Variants in DBT observed in about 807,000 individuals in gnomAD.
The protein encoded by DBT is dihydrolipoamide branched chain transacylase E2.
Under a neutral mutation model 51.3 loss-of-function variants are expected in DBT, and 40 were observed. The ratio of observed to expected loss-of-function variants is 0.78; its 90% CI spans 0.61 to 1.02. The LOEUF is 1.02. Ranked by LOEUF, DBT falls within the 50% of genes least tolerant of loss-of-function variation. DBT has a pLI of 0.00. For synonymous variants in DBT, 181 were observed against 190.4 expected (o/e 0.95, Z 0.41); for missense variants, 510 against 580.2 (o/e 0.88, Z 1.24).
chr1:100,218,546 T>A lies in DBT; in HGVS notation c.555+80A>T, dbSNP rs764891532. On this transcript the variant is annotated intron_variant, in intron 5 of 10. Transcript: ENST00000370132. The stretch of plus-strand genomic sequence containing the variant: ...TTAATTTCATTGAGCTATTTCATCA[T>A]GGGATAGTTGGCTAATTTTTCAGAG... 6 of 1,486,862 alleles carry A rather than the reference T, an allele frequency of 4.0e-6. No individual in the cohort carries two copies. The African/African-American group carries it at 6.9e-5, about 17-fold the overall frequency. The allele number at this position is 1,486,862 out of a possible 1,614,324, so 92.1% of individuals were successfully genotyped here. A position where few individuals can be genotyped will look rare whatever the true frequency, so the allele number is the denominator to read the frequency against.
In DBT at chr1:100,191,327, T is replaced by C. The variant is rs904365505; in HGVS notation, c.*4928A>G. 31 of 152,230 alleles carry C rather than the reference T, an allele frequency of 2.0e-4. No individual in the cohort carries two copies. The highest frequency in any genetic ancestry group is 7.5e-4 in the African/African-American group (31 of 41,460). The allele number at this position is 152,230 out of a possible 1,614,324, so 9.4% of individuals were successfully genotyped here. On this transcript the variant is annotated 3_prime_UTR_variant, in exon 11 of 11. Coordinates refer to ENST00000370132, the MANE Select transcript of DBT (RefSeq NM_001918.5). ...CTGGGAAGAAAATACAAATGTTTTT[T>C]GTTGGAGAAATTATAAAATCTTGGA...
intron 7 of DBT, 92 bp downstream of exon 7, chr1:100,214,725 G>A: frequency 7.5e-7 from 1 of 1,338,256 alleles, no homozygotes; most frequent in South Asian, 1.2e-5. Context: ...TTGCACTCCA[G>A]CCTGGGTGAC....
At position 100,188,149 on chromosome 1, in the gene DBT, C is replaced by G. The variant is rs1246127467; in HGVS notation, c.*8106G>C. ...CAGGTTCTTGTGCAATTTGTGAAACCTTTGGTTTGCAGAGTTGTTAGCGTA... is the reference window on the plus strand; with the variant it reads ...CAGGTTCTTGTGCAATTTGTGAAACGTTTGGTTTGCAGAGTTGTTAGCGTA... On this transcript the variant is annotated 3_prime_UTR_variant, in exon 11 of 11. Coordinates refer to ENST00000370132, the MANE Select transcript of DBT (RefSeq NM_001918.5). The G allele has an allele frequency of 6.6e-6, 1 of 152,190 alleles. No individual in the cohort carries two copies. Among genetic ancestry groups the G allele is most frequent in the Admixed American group, 6.5e-5 (1 of 15,284 alleles). 9.4% of individuals were successfully genotyped at this position (152,190 alleles called of 1,614,324 possible).
chr1:100,226,689 G>C (rs899609488), intron 4 of DBT, among the ~76,000 whole-genome samples: 1 of 152,156 alleles, frequency 6.6e-6, no homozygotes, highest in Non-Finnish European at 1.5e-5. Flanking sequence ...AAAGGAACAA[G>C]AGCCCCTGAA....
rs751168782 is a variant in DBT at position 100,188,270 on chromosome 1, C to G, written c.*7985G>C. The G allele has an allele frequency of 6.6e-6, 1 of 152,178 alleles. No homozygotes were observed. The highest frequency in any genetic ancestry group is 1.5e-5 in the Non-Finnish European group (1 of 68,030). 9.4% of individuals were successfully genotyped at this position (152,178 alleles called of 1,614,324 possible). ...TATTCATCCCTGCCATTCCTATTAACTTAATTACACCTGCCCACAACTTAA... is the reference window on the plus strand; with the variant it reads ...TATTCATCCCTGCCATTCCTATTAAGTTAATTACACCTGCCCACAACTTAA... On this transcript the variant is annotated 3_prime_UTR_variant, in exon 11 of 11. Transcript: ENST00000370132.
At chr1:100,207,973 A>G (rs753778653) in intron 8 of DBT, among the ~76,000 whole-genome samples, 8 of 152,138 alleles carry the variant, frequency 5.3e-5, no homozygotes, top group Non-Finnish European at 1.2e-4. Context: ...TGTACGAAAA[A>G]TACAAAAAGA....
Position 100,196,393 on chromosome 1 carries a change from T to C in DBT, c.1311A>G (p.Glu437=). The part of the protein sequence containing the change: ...KAIPRFNQKG[E]VYKAQIMNVS... ...CATTCATTATCTGTGCCTTATATACTTCTCCTTTCTGGTTAAATCGGGGAA... is the reference window on the plus strand; with the variant it reads ...CATTCATTATCTGTGCCTTATATACCTCTCCTTTCTGGTTAAATCGGGGAA... The change falls in exon 11 of 11, where the codon GAA becomes GAG. Residue 437 remains glutamate, a synonymous_variant. Transcript: ENST00000370132. 6.3e-7 allele frequency: 1 copy of C among 1,598,174 alleles called. No homozygotes were observed.
chr1:100,217,517 T>C (rs556769761), intron 5 of DBT, among the ~76,000 whole-genome samples: 1 of 152,370 alleles, frequency 6.6e-6, no homozygotes, highest in East Asian at 1.9e-4. Context: ...CCTAGATTAT[T>C]TTCTTGGGAT....
intron 7 of DBT, chr1:100,213,178 A>C (rs989291873): frequency 2.1e-6 from 1 of 468,634 alleles, no homozygotes; most frequent in Non-Finnish European, 3.5e-6. Context: ...TGTCAGGGTT[A>C]CTCTGAGAAT....
chr1:100,236,534 T>C (rs548440354), intron 2 of DBT, among the ~76,000 whole-genome samples: 1 of 152,366 alleles, frequency 6.6e-6, no homozygotes, highest in South Asian at 2.1e-4. Context: ...ATTTTGGTTA[T>C]GGAGGTATTA....
In DBT at chr1:100,186,952, T is replaced by C. The variant is rs1239237828; in HGVS notation, c.*9303A>G. The C allele has an allele frequency of 6.6e-6, 1 of 152,044 alleles. No homozygotes were observed. Among genetic ancestry groups the C allele is most frequent in the Non-Finnish European group, 1.5e-5 (1 of 68,002 alleles). 9.4% of individuals were successfully genotyped at this position (152,044 alleles called of 1,614,324 possible). ...TATGAAAACTGTTTATTCTATAGCC[T>C]ACTGGGAATTGGCCAGAAGTTAGAA... On this transcript the variant is annotated 3_prime_UTR_variant, in exon 11 of 11. Coordinates refer to ENST00000370132, the MANE Select transcript of DBT (RefSeq NM_001918.5).
intron 1 of DBT, among the ~76,000 whole-genome samples, chr1:100,247,077 T>TG (rs1297096928): frequency 1.3e-5 from 2 of 151,910 alleles, no homozygotes; most frequent in Non-Finnish European, 2.9e-5. Context: ...GGAATAAGGG[T>TG]GGGGAAGTGT....
Position 100,212,537 on chromosome 1 carries a change from T to TA in DBT, c.940-1767dup, listed in dbSNP as rs569436686. On this transcript the variant is annotated intron_variant, in intron 7 of 10. Transcript: ENST00000370132. ...CCTGGGCAACAAAGTGAACCCTTTCTAAAAAAAAAAAGAAGAAAGAAAGAA... is the reference window on the plus strand; with the variant it reads ...CCTGGGCAACAAAGTGAACCCTTTCTAAAAAAAAAAAAGAAGAAAGAAAGAA... Among the ~76,000 whole-genome samples the TA allele has an allele frequency of 1.8e-3, 251 of 139,620 alleles. 1 individual carries two copies. In the South Asian group the frequency reaches 0.021, roughly 12 times the overall value. 91.6% of individuals were successfully genotyped at this position (139,620 alleles called of 152,430 possible). A position where few individuals can be genotyped will look rare whatever the true frequency, so the allele number is the denominator to read the frequency against.
chr1:100,217,196 C>T (rs1021004251), intron 5 of DBT, among the ~76,000 whole-genome samples: 2 of 151,848 alleles, frequency 1.3e-5, no homozygotes, highest in Non-Finnish European at 2.9e-5. Context: ...TATTCTATAC[C>T]CATCTTTAGG....
Position 100,195,871 on chromosome 1 carries a change from G to T in DBT, c.*384C>A. On this transcript the variant is annotated 3_prime_UTR_variant, in exon 11 of 11. Transcript: ENST00000370132. The stretch of plus-strand genomic sequence containing the variant: ...GTAGAGGCCAGGTTTCACCATGTTG[G>T]CCAGGCTGGTCTCAAACTTCTAACC... 4.1e-6 allele frequency: 1 copy of T among 245,566 alleles called. No homozygotes were observed. Among genetic ancestry groups the T allele is most frequent in the East Asian group, 1.1e-4 (1 of 9,152 alleles). 15.2% of individuals were successfully genotyped at this position (245,566 alleles called of 1,614,324 possible). A position where few individuals can be genotyped will look rare whatever the true frequency, so the allele number is the denominator to read the frequency against.
chr1:100,220,906 C>A (rs1662822086), intron 4 of DBT, among the ~76,000 whole-genome samples: 1 of 152,156 alleles, frequency 6.6e-6, no homozygotes, highest in Admixed American at 6.5e-5. Flanking sequence ...TTCTCTACAT[C>A]TGTTAAAGTC....
chr1:100,227,332 C>T (rs191762047), intron 4 of DBT, among the ~76,000 whole-genome samples: 45 of 152,252 alleles, frequency 3.0e-4, no homozygotes, highest in Non-Finnish European at 5.0e-4. Flanking sequence ...CTCCTTACTT[C>T]GAGAACTGGC....
chr1:100,215,372 T>C (rs926274332), intron 6 of DBT, among the ~76,000 whole-genome samples: 1 of 152,200 alleles, frequency 6.6e-6, no homozygotes, highest in African/African-American at 2.4e-5. Context: ...TAACTACAAA[T>C]AGTGAATGTT....
chr1:100,221,580 C>T (rs909307733), intron 4 of DBT, among the ~76,000 whole-genome samples: 5 of 152,070 alleles, frequency 3.3e-5, no homozygotes, highest in African/African-American at 1.2e-4. Flanking sequence ...CACAAGTCTC[C>T]CCAGTTGATA....
Sources: gnomAD v4.1 joint callset for allele counts (sites outside exome capture counted in the v4.1 genomes callset) on GRCh38, gnomAD v4.1.1 for gene constraint, MANE v1.5 for transcripts, NCBI Gene and HGNC (gene_info 2026-07-23, HGNC 2026-07-21) for gene names.